The following GRM5 variants were observed in gnomAD, a reference collection of about 807,000 sequenced individuals.
The protein encoded by GRM5 is metabotropic glutamate receptor 5.
In GRM5, 19 loss-of-function variants were observed where a neutral mutation model predicts 83.1. The observed-to-expected ratio is 0.23, with a 90% CI of 0.16 to 0.34. The LOEUF is 0.34. Among genes scored for constraint, GRM5 ranks in the 10% least tolerant of loss-of-function variants. The probability of loss-of-function intolerance (pLI) is 1.00; values close to 1 mark genes in which losing one functional copy is unlikely to be tolerated. For synonymous variants in GRM5, 675 were observed against 633.6 expected, an observed-to-expected ratio of 1.07 and a Z score of -0.98; for missense variants, 1,160 against 1,588.3, an observed-to-expected ratio of 0.73 and a Z score of 4.58.
chr11:88,771,739 TA>T (rs1228663964), intron 3 of GRM5, among the ~76,000 whole-genome samples: 1 of 152,110 alleles, frequency 6.6e-6, no homozygotes, highest in East Asian at 1.9e-4. Context: ...CAGCTAACAT[TA>T]ATAATCACAA....
intron 3 of GRM5, among the ~76,000 whole-genome samples, chr11:88,739,041 T>A (rs952598288): frequency 5.3e-5 from 8 of 152,122 alleles, no homozygotes; most frequent in African/African-American, 1.9e-4. Flanking sequence ...TTTCCAAAAT[T>A]TCCATAAAAT....
chr11:88,987,499 G>A (rs921307120), intron 2 of GRM5, among the ~76,000 whole-genome samples: 6 of 151,876 alleles, frequency 4.0e-5, no homozygotes, highest in African/African-American at 1.2e-4. Context: ...GAACTGGGTG[G>A]AGCCCACCAC....
intron 3 of GRM5, among the ~76,000 whole-genome samples, chr11:88,792,857 T>C (rs149990331): frequency 6.6e-6 from 1 of 152,172 alleles, no homozygotes; most frequent in Non-Finnish European, 1.5e-5. Flanking sequence ...GCAAGTATTA[T>C]TGAAAAATAT....
At chr11:88,534,392 A>T (rs947505562) in intron 8 of GRM5, among the ~76,000 whole-genome samples, 2 of 152,210 alleles carry the variant, frequency 1.3e-5, no homozygotes, top group African/African-American at 4.8e-5. Flanking sequence ...CACCTCTTGC[A>T]GTAGCGTGAC....
At chr11:88,672,892 T>C (rs1236579971) in intron 3 of GRM5, among the ~76,000 whole-genome samples, 1 of 151,950 alleles carries the variant, frequency 6.6e-6, no homozygotes, top group Non-Finnish European at 1.5e-5. Context: ...TATTATATGC[T>C]GAGGGTACAG....
At chr11:88,860,807 C>T (rs1470901052) in intron 2 of GRM5, among the ~76,000 whole-genome samples, 1 of 152,084 alleles carries the variant, frequency 6.6e-6, no homozygotes, top group Non-Finnish European at 1.5e-5. Context: ...TCATTGTTGC[C>T]AAATTTTGAG....
At chr11:88,589,896 G>A (rs1199532962) in intron 7 of GRM5, among the ~76,000 whole-genome samples, 1 of 152,046 alleles carries the variant, frequency 6.6e-6, no homozygotes, top group Non-Finnish European at 1.5e-5. Context: ...AAGCACATGA[G>A]TGCATTTAAT....
chr11:88,720,906 G>C (rs1228754815), intron 3 of GRM5, among the ~76,000 whole-genome samples: 1 of 151,226 alleles, frequency 6.6e-6, no homozygotes, highest in Non-Finnish European at 1.5e-5. Context: ...ACAAAATCCA[G>C]TAAGGTTCAC....
intron 3 of GRM5, among the ~76,000 whole-genome samples, chr11:88,748,530 C>A (rs990271046): frequency 6.6e-6 from 1 of 152,090 alleles, no homozygotes; most frequent in African/African-American, 2.4e-5. Context: ...CTGTGGAGAA[C>A]ATAAGTGGTC....
In GRM5 at chr11:88,506,688, A is replaced by T. The variant is rs1197250879; in HGVS notation, c.*1904T>A. The T allele has an allele frequency of 6.6e-6, 1 of 152,148 alleles. No individual in the cohort carries two copies. The highest frequency in any genetic ancestry group is 1.5e-5 in the Non-Finnish European group (1 of 68,010). 9.4% of individuals were successfully genotyped at this position (152,148 alleles called of 1,614,324 possible). On this transcript the variant is annotated 3_prime_UTR_variant, in exon 10 of 10. Transcript: ENST00000305447. ...TTAGCTTTTAATGTTTTGTATTGGGAGGTTTGACTTAAAGTTGCAAGTAAG... is the reference window on the plus strand; with the variant it reads ...TTAGCTTTTAATGTTTTGTATTGGGTGGTTTGACTTAAAGTTGCAAGTAAG...
chr11:88,746,599 A>G (rs1393713878), intron 3 of GRM5, among the ~76,000 whole-genome samples: 1 of 151,850 alleles, frequency 6.6e-6, no homozygotes, highest in Non-Finnish European at 1.5e-5. Flanking sequence ...TTAAGCCAAC[A>G]TCTTTTTCCA....
At chr11:88,681,535 T>A (rs551063698) in intron 3 of GRM5, among the ~76,000 whole-genome samples, 6 of 148,034 alleles carry the variant, frequency 4.1e-5, no homozygotes, top group African/African-American at 1.5e-4. Context: ...TTTCCCCTAC[T>A]GTTTATAAAC....
intron 2 of GRM5, among the ~76,000 whole-genome samples, chr11:89,041,660 T>C (rs1051349857): frequency 3.9e-5 from 6 of 152,224 alleles, no homozygotes; most frequent in African/African-American, 1.4e-4. Flanking sequence ...CTAAACGCTC[T>C]TTCCAGAGCT....
intron 5 of GRM5, among the ~76,000 whole-genome samples, chr11:88,598,958 G>A (rs1235156906): frequency 6.6e-6 from 1 of 152,190 alleles, no homozygotes; most frequent in East Asian, 1.9e-4. Flanking sequence ...AATTAGTACA[G>A]ATTACAGAGT....
intron 3 of GRM5, among the ~76,000 whole-genome samples, chr11:88,695,118 A>T (rs951724112): frequency 6.6e-6 from 1 of 152,204 alleles, no homozygotes; most frequent in Non-Finnish European, 1.5e-5. Context: ...ATGACATCTG[A>T]CAAGGAGAGA....
chr11:88,725,599 T>C (rs1242820300), intron 3 of GRM5, among the ~76,000 whole-genome samples: 2 of 152,044 alleles, frequency 1.3e-5, no homozygotes, highest in Non-Finnish European at 2.9e-5. Context: ...GGGAGACACC[T>C]CCCATCAGGG....
chr11:88,782,217 A>G (rs570669679), intron 3 of GRM5, among the ~76,000 whole-genome samples: 1 of 152,176 alleles, frequency 6.6e-6, no homozygotes, highest in African/African-American at 2.4e-5. Context: ...TAATTGCTGT[A>G]TTAGTCTGTT....
intron 8 of GRM5, among the ~76,000 whole-genome samples, chr11:88,531,804 A>G (rs578171200): frequency 6.6e-6 from 1 of 152,078 alleles, no homozygotes; most frequent in Non-Finnish European, 1.5e-5. Flanking sequence ...TCCAATAGAT[A>G]AAATTGTCTT....
chr11:88,541,807 A>G (rs1001514426), intron 8 of GRM5, among the ~76,000 whole-genome samples: 5 of 152,254 alleles, frequency 3.3e-5, no homozygotes, highest in Admixed American at 2.0e-4. Context: ...CCCCACTCAA[A>G]TCTCATCTCA....
Sources: gnomAD v4.1 joint callset for allele counts (sites outside exome capture counted in the v4.1 genomes callset) on GRCh38, gnomAD v4.1.1 for gene constraint, MANE v1.5 for transcripts, NCBI Gene and HGNC (gene_info 2026-07-23, HGNC 2026-07-21) for gene names.